Variants in PCDHA1 observed in about 807,000 individuals in gnomAD.
The protein encoded by PCDHA1 is protocadherin alpha-1.
A neutral mutation model predicts 61.3 loss-of-function variants in PCDHA1; 42 were observed. The ratio of observed to expected loss-of-function variants is 0.69; its 90% CI spans 0.54 to 0.89. PCDHA1 has a LOEUF of 0.89. PCDHA1 is among the 40% of genes least tolerant of loss of function. The probability of loss-of-function intolerance (pLI) is 0.00; values close to 1 mark genes in which losing one functional copy is unlikely to be tolerated. For synonymous variants in PCDHA1, 610 were observed against 553.8 expected, an observed-to-expected ratio of 1.10 and a Z score of -1.43; for missense variants, 1,256 against 1,235.3, an observed-to-expected ratio of 1.02 and a Z score of -0.25.
At chr5:140,969,957 G>A (rs1554232176) in intron 1 of PCDHA1, among the ~76,000 whole-genome samples, 1 of 152,178 alleles carries the variant, frequency 6.6e-6, no homozygotes, top group East Asian at 1.9e-4. Flanking sequence ...AGTTTGCTTT[G>A]GCTGTATGAT....
chr5:140,828,101 AC>A, intron 1 of PCDHA1: 1 of 1,607,798 alleles, frequency 6.2e-7, no homozygotes, highest in East Asian at 2.2e-5. Context: ...CATGGTGTTT[AC>A]CCCGGAGGAT....
intron 1 of PCDHA1, chr5:140,875,158 AC>A: frequency 3.0e-6 from 1 of 338,826 alleles, no homozygotes; most frequent in East Asian, 5.5e-5. Flanking sequence ...GTGAAAAATA[AC>A]CCAAAGTCGA....
chr5:140,938,991 T>C (rs2092291799), intron 1 of PCDHA1, among the ~76,000 whole-genome samples: 2 of 152,230 alleles, frequency 1.3e-5, no homozygotes, highest in South Asian at 2.1e-4. Context: ...TGGCTTTATA[T>C]AGTAAGTTAA....
At chr5:140,886,330 T>C (rs1403720039) in intron 1 of PCDHA1, among the ~76,000 whole-genome samples, 1 of 152,192 alleles carries the variant, frequency 6.6e-6, no homozygotes, top group Admixed American at 6.5e-5. Context: ...CTGGGATACA[T>C]GTGCAGAACG....
chr5:140,820,654 T>C (rs2150107515), intron 1 of PCDHA1, among the ~76,000 whole-genome samples: 7 of 152,038 alleles, frequency 4.6e-5, no homozygotes, highest in African/African-American at 1.7e-4. Flanking sequence ...TAAAAAGTAA[T>C]TAAACTAATA....
At chr5:140,841,512 T>C in intron 1 of PCDHA1, 1 of 1,613,424 alleles carries the variant, frequency 6.2e-7, no homozygotes, top group East Asian at 2.2e-5. Flanking sequence ...CCGCGCCTGT[T>C]CCGGGTGGCG....
intron 1 of PCDHA1, among the ~76,000 whole-genome samples, chr5:140,909,839 C>A (rs2074714040): frequency 1.3e-5 from 2 of 152,146 alleles, no homozygotes; most frequent in Admixed American, 6.5e-5. Context: ...GGAGGACCAC[C>A]AGGACGTTTT....
intron 1 of PCDHA1, chr5:140,823,134 G>A: frequency 1.2e-6 from 2 of 1,614,020 alleles, no homozygotes; most frequent in Non-Finnish European, 1.7e-6. Context: ...ACGCTCCGGC[G>A]TTCGCGCAGC....
At chr5:141,006,755 A>G (rs1554260896) in intron 3 of PCDHA1, among the ~76,000 whole-genome samples, 1 of 152,190 alleles carries the variant, frequency 6.6e-6, no homozygotes, top group East Asian at 1.9e-4. Flanking sequence ...TAAATGGAGA[A>G]TGAAGAATAG....
intron 1 of PCDHA1, among the ~76,000 whole-genome samples, chr5:140,915,915 T>C (rs782614078): frequency 1.3e-5 from 2 of 152,158 alleles, no homozygotes; most frequent in Non-Finnish European, 2.9e-5. Context: ...GGCCCAGAGA[T>C]GCTACTTGGG....
intron 1 of PCDHA1, chr5:140,850,513 G>C (rs782718204): frequency 2.5e-6 from 4 of 1,598,108 alleles, no homozygotes; most frequent in Non-Finnish European, 2.6e-6. Flanking sequence ...GTGGAGAGCG[G>C]CCAGGCGCCA....
intron 1 of PCDHA1, chr5:140,808,722 C>A (rs577899528): frequency 3.7e-6 from 6 of 1,612,134 alleles, no homozygotes; most frequent in Admixed American, 1.7e-5. Flanking sequence ...TCGGTGCATG[C>A]GGAGAGCGGC....
At chr5:140,795,808 G>T (rs782626454) in intron 1 of PCDHA1, 15 of 1,612,920 alleles carry the variant, frequency 9.3e-6, no homozygotes, top group Non-Finnish European at 1.3e-5. Context: ...GTATTCACTC[G>T]GTAGTGATGT....
At chr5:140,843,447 G>A (rs373780721) in intron 1 of PCDHA1, 12 of 1,596,056 alleles carry the variant, frequency 7.5e-6, no homozygotes, top group Non-Finnish European at 1.0e-5. Flanking sequence ...GCGGTATCCA[G>A]CCTGCTGGTG....
rs2150186603 is a variant in PCDHA1 at position 140,830,447 on chromosome 5, G to C, written c.2394+41763G>C. 46 of 1,601,744 alleles carry C rather than the reference G, an allele frequency of 2.9e-5. No homozygotes were observed. In the East Asian group the frequency reaches 1.0e-3, roughly 35 times the overall value. On this transcript the variant is annotated intron_variant, in intron 1 of 3. Coordinates refer to ENST00000504120, the MANE Select transcript of PCDHA1 (RefSeq NM_018900.4). ...ACCTTGTCCTATTATGATGGGTAAG[G>C]CGGAGAATCAGGATTTAAATGAAGA...
At chr5:140,962,358 T>C (rs1167082870) in intron 1 of PCDHA1, among the ~76,000 whole-genome samples, 4 of 152,230 alleles carry the variant, frequency 2.6e-5, no homozygotes, top group Non-Finnish European at 5.9e-5. Context: ...CCCCCAATAC[T>C]GGCTAGTTTG....
chr5:140,917,777 T>C (rs913092177), intron 1 of PCDHA1, among the ~76,000 whole-genome samples: 7 of 152,214 alleles, frequency 4.6e-5, no homozygotes, highest in Non-Finnish European at 1.0e-4. Context: ...ATTAGTACCA[T>C]GTTGTTTTGG....
In PCDHA1 at chr5:140,824,072, C is replaced by T; in HGVS notation, c.2394+35388C>T. 1 of 1,614,254 alleles carries T rather than the reference C, an allele frequency of 6.2e-7. No homozygotes were observed. The highest frequency in any genetic ancestry group is 8.5e-7 in the Non-Finnish European group (1 of 1,180,044). ...TGCTCTGGGGAAGCTCCACCCAAAA[C>T]AGACCTCATGGCCTTCAGTCCAAGC... On this transcript the variant is annotated intron_variant, in intron 1 of 3. Coordinates refer to ENST00000504120, the MANE Select transcript of PCDHA1 (RefSeq NM_018900.4).
chr5:140,858,376 A>ACATC, intron 1 of PCDHA1: 1 of 1,587,998 alleles, frequency 6.3e-7, no homozygotes, highest in Non-Finnish European at 8.6e-7. Flanking sequence ...GCCTTCCACC[A>ACATC]TGCCCAATGG....
Sources: gnomAD v4.1 joint callset for allele counts (sites outside exome capture counted in the v4.1 genomes callset) on GRCh38, gnomAD v4.1.1 for gene constraint, MANE v1.5 for transcripts, NCBI Gene and HGNC (gene_info 2026-07-23, HGNC 2026-07-21) for gene names.